Variants in ZNF385D observed in about 807,000 individuals in gnomAD.
The protein encoded by ZNF385D is zinc finger protein 385D, also known as zinc finger protein 659.
A neutral mutation model predicts 35.8 loss-of-function variants in ZNF385D; 15 were observed. The observed-to-expected ratio is 0.42, with a 90% CI of 0.28 to 0.64. The LOEUF is 0.64. Ranked by LOEUF, ZNF385D falls within the 30% of genes least tolerant of loss-of-function variation. The pLI is 0.23. For missense variants in ZNF385D, 474 were observed against 494.6 expected (o/e 0.96, Z 0.39); for synonymous variants, 212 against 186.8 (o/e 1.13, Z -1.10).
chr3:21,547,385 A>G (rs2062412419), intron 3 of ZNF385D, among the ~76,000 whole-genome samples: 1 of 151,938 alleles, frequency 6.6e-6, no homozygotes, highest in Non-Finnish European at 1.5e-5. Flanking sequence ...GTTTCATTTA[A>G]ATACATGTTT....
chr3:21,609,535 A>G (rs1241958276), intron 2 of ZNF385D, among the ~76,000 whole-genome samples: 1 of 152,176 alleles, frequency 6.6e-6, no homozygotes, highest in African/African-American at 2.4e-5. Context: ...CACTATTTTG[A>G]CTACTTAACA....
At chr3:21,744,725 C>T (rs1279703041) in intron 1 of ZNF385D, among the ~76,000 whole-genome samples, 1 of 151,986 alleles carries the variant, frequency 6.6e-6, no homozygotes, top group Non-Finnish European at 1.5e-5. Flanking sequence ...AGAGTTAACA[C>T]CGGCTTTACA....
chr3:22,257,203 A>C (rs4858393), intron 2 of ZNF385D, among the ~76,000 whole-genome samples: 22,328 of 151,724 alleles, frequency 0.15, 3,428 homozygotes, highest in African/African-American at 0.38. Context: ...TTTTCAAATT[A>C]TTTTTGACAA....
intron 3 of ZNF385D, among the ~76,000 whole-genome samples, chr3:22,060,882 A>T (rs184722043): frequency 6.6e-6 from 1 of 152,162 alleles, no homozygotes; most frequent in Admixed American, 6.5e-5. Context: ...TTACCAGACA[A>T]TTTTGGCTCT....
chr3:21,748,468 G>A (rs1195469748), intron 1 of ZNF385D, among the ~76,000 whole-genome samples: 1 of 152,098 alleles, frequency 6.6e-6, no homozygotes, highest in African/African-American at 2.4e-5. Flanking sequence ...GATTTATAAA[G>A]GAAGTAAATA....
chr3:22,240,183 C>CA lies in ZNF385D; in HGVS notation c.107-71149dup, dbSNP rs66663088. 5.1e-3 allele frequency among the ~76,000 whole-genome samples: 82 copies of CA among 16,136 alleles called. 3 individuals carry two copies. The highest frequency in any genetic ancestry group is 0.034 in the South Asian group (16 of 466). The allele number at this position is 16,136 out of a possible 152,430, so 10.6% of individuals were successfully genotyped here. On this transcript the variant is annotated intron_variant, in intron 2 of 5. Transcript: ENST00000494108. The stretch of plus-strand genomic sequence containing the variant: ...AGGTGACAAAGCGAGACCCTGTCTC[C>CA]AAAAAAAAAAAAAAAAAAAAGATTT...
chr3:21,732,021 TTTTTCGGGG>T (rs2069022151), intron 1 of ZNF385D, among the ~76,000 whole-genome samples: 1 of 135,888 alleles, frequency 7.4e-6, no homozygotes, highest in African/African-American at 2.8e-5. Flanking sequence ...GTTTTTTTCT[TTTTTCGGGG>T]TTTTTTTTTT....
intron 1 of ZNF385D, among the ~76,000 whole-genome samples, chr3:21,684,392 CTCTCTCTCTCTCCT>C (rs1461905277): frequency 0.015 from 1,340 of 89,368 alleles, 38 homozygotes; most frequent in African/African-American, 0.061. Context: ...CTCTCTCTCT[CTCTCTCTCTCTCCT>C]CTCTCTCTCT....
At chr3:21,771,960 T>C (rs2071095323) in intron 3 of ZNF385D, among the ~76,000 whole-genome samples, 1 of 151,918 alleles carries the variant, frequency 6.6e-6, no homozygotes, top group Non-Finnish European at 1.5e-5. Flanking sequence ...ACAAGGGTGG[T>C]AAGACAATTC....
chr3:22,372,338 C>T (rs1696949118), intron 2 of ZNF385D: 2 of 639,118 alleles, frequency 3.1e-6, no homozygotes, highest in Non-Finnish European at 3.9e-6. Context: ...CCCATGCGAG[C>T]CCCAGCCCCT....
intron 3 of ZNF385D, among the ~76,000 whole-genome samples, chr3:22,125,074 G>A (rs530764161): frequency 3.3e-5 from 5 of 152,088 alleles, no homozygotes; most frequent in African/African-American, 7.2e-5. Flanking sequence ...GCCTATAATC[G>A]ACTTTAATTT....
At chr3:21,767,570 A>G (rs4858017) in intron 3 of ZNF385D, among the ~76,000 whole-genome samples, 80,366 of 151,702 alleles carry the variant, frequency 0.53, 21,664 homozygotes, top group East Asian at 0.78. Context: ...CATCTCCAGG[A>G]TCTCGTGACC....
intron 3 of ZNF385D, among the ~76,000 whole-genome samples, chr3:21,997,981 C>A (rs774892917): frequency 6.6e-6 from 1 of 151,628 alleles, no homozygotes; most frequent in Admixed American, 6.6e-5. Flanking sequence ...GATAACCCTG[C>A]AGATCAAAAC....
At position 22,137,919 on chromosome 3, in the gene ZNF385D, C is replaced by T. The variant is rs1479799071; in HGVS notation, c.325+30898G>A. Among the ~76,000 whole-genome samples, 5 of 152,148 alleles carry T rather than the reference C, an allele frequency of 3.3e-5. No homozygotes were observed. The East Asian group carries it at 9.7e-4, about 29-fold the overall frequency. On this transcript the variant is annotated intron_variant, in intron 3 of 5. Transcript: ENST00000494108. The stretch of plus-strand genomic sequence containing the variant: ...ATGACATGATTGTATATCTAGAAAA[C>T]CCCATCGTCTCAGCCCAAAATCTCC...
At chr3:21,900,874 A>G (rs1179617930) in intron 3 of ZNF385D, among the ~76,000 whole-genome samples, 1 of 152,164 alleles carries the variant, frequency 6.6e-6, no homozygotes, top group Middle Eastern at 3.2e-3. Flanking sequence ...ATGCCTGGAC[A>G]TCATCTAATT....
chr3:21,725,092 T>C (rs141094955), intron 1 of ZNF385D, among the ~76,000 whole-genome samples: 1,656 of 152,048 alleles, frequency 0.011, 24 homozygotes, highest in African/African-American at 0.037. Flanking sequence ...ACTGGATAAA[T>C]AACAAAATGA....
At chr3:21,888,080 C>A (rs1452303967) in intron 3 of ZNF385D, among the ~76,000 whole-genome samples, 1 of 151,888 alleles carries the variant, frequency 6.6e-6, no homozygotes, top group Non-Finnish European at 1.5e-5. Context: ...AATAATTGCT[C>A]CCCCCCTTTT....
chr3:22,334,543 G>A (rs569244455), intron 2 of ZNF385D, among the ~76,000 whole-genome samples: 5 of 152,174 alleles, frequency 3.3e-5, no homozygotes, highest in East Asian at 3.9e-4. Flanking sequence ...TGAAATGTGC[G>A]TGTTCTGGTG....
intron 3 of ZNF385D, among the ~76,000 whole-genome samples, chr3:21,782,357 A>G (rs2125638693): frequency 6.6e-6 from 1 of 152,268 alleles, no homozygotes; most frequent in South Asian, 2.1e-4. Context: ...GAGGAAATTC[A>G]GGAGTCAGAG....
Sources: gnomAD v4.1 joint callset for allele counts (sites outside exome capture counted in the v4.1 genomes callset) on GRCh38, gnomAD v4.1.1 for gene constraint, MANE v1.5 for transcripts, NCBI Gene and HGNC (gene_info 2026-07-23, HGNC 2026-07-21) for gene names.